The following REV3L variants were observed in gnomAD, a reference collection of about 807,000 sequenced individuals.
REV3L encodes REV3 like, DNA directed polymerase zeta catalytic subunit.
In REV3L, 69 loss-of-function variants were observed where a neutral mutation model predicts 299.4. That is an observed-to-expected ratio of 0.23 (90% confidence interval 0.19 to 0.28). REV3L has a LOEUF of 0.28. Ranked by LOEUF, REV3L falls within the 10% of genes least tolerant of loss-of-function variation. The probability of loss-of-function intolerance (pLI) is 1.00; values close to 1 mark genes in which losing one functional copy is unlikely to be tolerated. For missense variants in REV3L, 3,128 were observed against 3,693.8 expected (o/e 0.85, Z 3.97); for synonymous variants, 1,238 against 1,271.4 (o/e 0.97, Z 0.56).
intron 1 of REV3L, among the ~76,000 whole-genome samples, chr6:111,454,527 C>T (rs947898495): frequency 6.6e-5 from 10 of 152,130 alleles, no homozygotes; most frequent in Non-Finnish European, 1.3e-4. Flanking sequence ...AAACTCTGTA[C>T]CCATTAAATA....
At chr6:111,379,855 G>A in intron 11 of REV3L, 127 bp downstream of exon 11, 1 of 687,358 alleles carries the variant, frequency 1.5e-6, no homozygotes, top group Non-Finnish European at 2.5e-6. Context: ...TCACTAAAGG[G>A]GAATTTTAAA....
intron 1 of REV3L, among the ~76,000 whole-genome samples, chr6:111,468,755 A>T (rs77610075): frequency 0.07 from 53 of 754 alleles, no homozygotes; most frequent in African/African-American, 0.26. Context: ...ATGTAAGATA[A>T]TATTTAGCCT....
At chr6:111,319,677 G>A (rs1002656623) in intron 26 of REV3L, among the ~76,000 whole-genome samples, 2 of 151,096 alleles carry the variant, frequency 1.3e-5, no homozygotes, top group African/African-American at 4.9e-5. Context: ...ATAATTGGAA[G>A]GTCATTTACC....
intron 25 of REV3L, among the ~76,000 whole-genome samples, chr6:111,323,933 T>C (rs1006467286): frequency 1.1e-4 from 17 of 152,214 alleles, no homozygotes; most frequent in African/African-American, 4.1e-4. Flanking sequence ...ATTAAGTACA[T>C]GAACAAAGGA....
intron 11 of REV3L, among the ~76,000 whole-genome samples, 174 bp downstream of exon 11, chr6:111,379,808 G>T (rs1029989917): frequency 6.6e-6 from 1 of 152,056 alleles, no homozygotes; most frequent in East Asian, 1.9e-4. Context: ...ACTTTATTTT[G>T]CTTGGAATAT....
intron 1 of REV3L, among the ~76,000 whole-genome samples, chr6:111,462,006 G>A (rs905100288): frequency 1.1e-4 from 16 of 152,084 alleles, no homozygotes; most frequent in African/African-American, 3.6e-4. Flanking sequence ...AAACAAGTAA[G>A]CCCATCTATA....
At chr6:111,455,764 T>A (rs1165406371) in intron 1 of REV3L, among the ~76,000 whole-genome samples, 1 of 152,216 alleles carries the variant, frequency 6.6e-6, no homozygotes, top group Admixed American at 6.5e-5. Context: ...CAAAGCCCCA[T>A]AATGTATTAA....
chr6:111,381,994 C>G (rs17539518), intron 9 of REV3L, among the ~76,000 whole-genome samples: 1 of 152,142 alleles, frequency 6.6e-6, no homozygotes. Flanking sequence ...TGTGGTTTCC[C>G]ATTTCATTGC....
chr6:111,363,910 A>T lies in REV3L; in HGVS notation c.6822T>A (p.Asn2274Lys). ...TSQIDGPSLN[N>K]TYGFKVSIQN... ...GTATGCTGACTTTGAAACCGTAAGT[A>T]TTGTTTAAAGATGGTCCATCAATCT... The change falls in exon 16 of 32, where the codon AAT (asparagine) becomes AAA (lysine). Residue 2274 changes from asparagine (N) to lysine (K), a missense_variant. Asn to Lys is a moderately conservative substitution (Grantham distance 94). Around this residue, in one of 9 missense-constraint regions of REV3L, gnomAD observed 2,409 missense variants for 2,611.8 expected, o/e 0.92. Transcript: ENST00000368802. The T allele has an allele frequency of 6.2e-7, 1 of 1,613,468 alleles. No individual in the cohort carries two copies. The highest frequency in any genetic ancestry group is 8.5e-7 in the Non-Finnish European group (1 of 1,179,694).
At chr6:111,389,855 G>C (rs996229923) in intron 6 of REV3L, among the ~76,000 whole-genome samples, 7 of 146,834 alleles carry the variant, frequency 4.8e-5, no homozygotes, top group Non-Finnish European at 1.0e-4. Flanking sequence ...CCCTGCCTCA[G>C]CCTCCCAAGT....
chr6:111,415,550 T>C (rs1369336836), intron 2 of REV3L, among the ~76,000 whole-genome samples: 2 of 152,076 alleles, frequency 1.3e-5, no homozygotes, highest in Non-Finnish European at 2.9e-5. Context: ...TGATAGTAGG[T>C]GATACTAGGA....
chr6:111,482,452 G>A (rs1793853751), intron 1 of REV3L, among the ~76,000 whole-genome samples: 1 of 152,072 alleles, frequency 6.6e-6, no homozygotes, highest in Admixed American at 6.5e-5. Flanking sequence ...TCGCTCTCCC[G>A]GCCCGCGCCC....
intron 3 of REV3L, among the ~76,000 whole-genome samples, chr6:111,407,797 C>T (rs147031947): frequency 1.2e-4 from 18 of 151,962 alleles, no homozygotes; most frequent in African/African-American, 4.1e-4. Flanking sequence ...ATTAGTCAGA[C>T]GTGGTGGTGG....
intron 20 of REV3L, chr6:111,349,008 G>GAAA (rs35782472): frequency 6.2e-3 from 1,845 of 297,638 alleles, no homozygotes; most frequent in Middle Eastern, 8.5e-3. Flanking sequence ...TTAGACACAA[G>GAAA]AAAAAAAAAA....
intron 24 of REV3L, chr6:111,330,422 A>C (rs1300344759): frequency 7.8e-6 from 3 of 382,528 alleles, no homozygotes; most frequent in Non-Finnish European, 1.6e-5. Context: ...GTAGGAATGA[A>C]AACCACAAAA....
At chr6:111,483,354 G>A, upstream of REV3L, 1 of 481,382 alleles carries the variant, frequency 2.1e-6, no homozygotes, top group Admixed American at 4.4e-5. Context: ...GGCGGGGGCC[G>A]AGAAGGGGCT....
intron 3 of REV3L, among the ~76,000 whole-genome samples, chr6:111,410,945 T>C (rs892612509): frequency 6.6e-6 from 1 of 152,090 alleles, no homozygotes; most frequent in African/African-American, 2.4e-5. Context: ...CTTCCATATA[T>C]GTGCCCTTCC....
intron 4 of REV3L, among the ~76,000 whole-genome samples, chr6:111,402,622 T>C (rs1783205534): frequency 6.6e-6 from 1 of 152,174 alleles, no homozygotes; most frequent in Admixed American, 6.5e-5. Flanking sequence ...AGCCCACTAT[T>C]CACGGCAACA....
intron 1 of REV3L, among the ~76,000 whole-genome samples, chr6:111,429,540 G>A (rs1267708728): frequency 2.0e-5 from 3 of 150,128 alleles, no homozygotes; most frequent in Non-Finnish European, 4.5e-5. Flanking sequence ...TTGTAACTCT[G>A]TTTGGTATGA....
Sources: allele counts gnomAD v4.1 joint callset (sites outside exome capture counted in the v4.1 genomes callset), GRCh38; gene constraint gnomAD v4.1.1; regional missense constraint gnomAD v4.1.1; transcripts MANE v1.5; gene names NCBI Gene and HGNC (gene_info 2026-07-23, HGNC 2026-07-21).